ZBTB24: variants seen among roughly 807,000 people sequenced by gnomAD.
ZBTB24 encodes the protein zinc finger and BTB domain-containing protein 24.
A neutral mutation model predicts 53.8 loss-of-function variants in ZBTB24; 32 were observed. The ratio of observed to expected loss-of-function variants is 0.60; its 90% CI spans 0.45 to 0.80. ZBTB24 has a LOEUF of 0.80. Ranked by LOEUF, ZBTB24 falls within the 30% of genes least tolerant of loss-of-function variation. The probability of loss-of-function intolerance (pLI) is 0.00; values close to 1 mark genes in which losing one functional copy is unlikely to be tolerated. For missense variants in ZBTB24, 722 were observed against 837.1 expected, an observed-to-expected ratio of 0.86 and a Z score of 1.70; for synonymous variants, 297 against 306.7, an observed-to-expected ratio of 0.97 and a Z score of 0.33.
chr6:109,481,252 A>T lies in ZBTB24; in HGVS notation c.775T>A (p.Trp259Arg). The T allele has an allele frequency of 6.2e-7, 1 of 1,614,198 alleles. No homozygotes were observed. Among genetic ancestry groups the T allele is most frequent in the Non-Finnish European group, 8.5e-7 (1 of 1,180,036 alleles). The change falls in exon 2 of 7, where the codon TGG becomes AGG. Residue 259 changes from tryptophan to arginine, a missense_variant. Transcript: ENST00000230122. The stretch of plus-strand genomic sequence containing the variant: ...TAATCTTTAAGTTTGACGGATCTCC[A>T]AATCCTCCGCTTGCTGTATCGACTC... ...SQSRYSKRRI[W>R]RSVKLKDYKL...
At position 109,481,631 on chromosome 6, in the gene ZBTB24, A is replaced by G. The variant is rs1776417966; in HGVS notation, c.396T>C (p.His132=). The change falls in exon 2 of 7, where the codon CAT becomes CAC. Residue 132 remains histidine (H), a synonymous_variant. Coordinates refer to ENST00000230122, the MANE Select transcript of ZBTB24 (RefSeq NM_014797.3). ...VKAYTDFQNN[H]SSPKPTTLNT... ...TCAAAGTTGTTGGCTTTGGGGAGCT[A>G]TGATTATTTTGGAAGTCTGTGTAAG... is the stretch of plus-strand genomic sequence containing the variant. 5 of 1,614,190 alleles carry G rather than the reference A, an allele frequency of 3.1e-6. No homozygotes were observed. In the East Asian group the frequency reaches 6.7e-5, roughly 22 times the overall value.
intron 5 of ZBTB24, among the ~76,000 whole-genome samples, chr6:109,473,558 C>T (rs1776213359): frequency 6.6e-6 from 1 of 152,176 alleles, no homozygotes; most frequent in African/African-American, 2.4e-5. Flanking sequence ...CCTTACCTTG[C>T]ATTTTATTCT....
chr6:109,476,845 G>A lies in ZBTB24; in HGVS notation c.1038C>T (p.Gly346=), dbSNP rs765382857. 3.1e-6 allele frequency: 5 copies of A among 1,614,152 alleles called. No individual in the cohort carries two copies. The highest frequency in any genetic ancestry group is 1.7e-5 in the Admixed American group (1 of 60,016). The change falls in exon 3 of 7, where the codon GGC becomes GGT. Residue 346 remains glycine (G), a synonymous_variant. Transcript: ENST00000230122. The part of the protein sequence containing the change: ...SLQVHTRMHT[G]ERPYTCTVCS... The stretch of plus-strand genomic sequence containing the variant: ...ACACGGTGCAGGTGTACGGCCGCTC[G>A]CCTGTGTGCATCCTGGTGTGGACCT...
rs1053173782 is a variant in ZBTB24 at position 109,481,518 on chromosome 6, G to A, written c.509C>T (p.Thr170Ile). 3.1e-6 allele frequency: 5 copies of A among 1,614,162 alleles called. No homozygotes were observed. Among genetic ancestry groups the A allele is most frequent in the Middle Eastern group, 1.6e-4 (1 of 6,062 alleles). The change falls in exon 2 of 7, where the codon ACA (threonine) becomes ATA (isoleucine). Residue 170 changes from threonine to isoleucine, a missense_variant. Coordinates refer to ENST00000230122, the MANE Select transcript of ZBTB24 (RefSeq NM_014797.3). Reference protein sequence around the residue: ...RKRGRPKKVNTLQEEKSELAA... With the variant: ...RKRGRPKKVNILQEEKSELAA... ...CAGTTCTGATTTCTCCTCCTGCAAT[G>A]TATTGACTTTTTTTGGTCTTCCCCG...
intron 2 of ZBTB24, 91 bp from the exon 3 acceptor site, chr6:109,477,021 T>G (rs1351011849): frequency 6.6e-7 from 1 of 1,521,196 alleles, no homozygotes; most frequent in Admixed American, 1.9e-5. Flanking sequence ...AGGATTTTTC[T>G]TAAAAGGCAC....
intron 5 of ZBTB24, among the ~76,000 whole-genome samples, chr6:109,473,957 T>C (rs1478937813): frequency 1.3e-5 from 2 of 151,300 alleles, no homozygotes; most frequent in Non-Finnish European, 2.9e-5. Context: ...GGCGTGGTGG[T>C]GCGCACCTGT....
chr6:109,465,697 G>T lies in ZBTB24; in HGVS notation c.*154C>A, dbSNP rs781297546. 2.5e-6 allele frequency: 4 copies of T among 1,602,606 alleles called. No individual in the cohort carries two copies. The Admixed American group carries it at 6.7e-5, about 27-fold the overall frequency. The stretch of plus-strand genomic sequence containing the variant: ...AGACATACACACATCTTGCTACCTG[G>T]ATGGAGGGCATTATAAACATCAGTT... On this transcript the variant is annotated 3_prime_UTR_variant, in exon 7 of 7. Coordinates refer to ENST00000230122, the MANE Select transcript of ZBTB24 (RefSeq NM_014797.3).
chr6:109,467,478 A>C (rs1345420972), intron 6 of ZBTB24, 175 bp downstream of exon 6: 1 of 957,980 alleles, frequency 1.0e-6, no homozygotes, highest in Non-Finnish European at 1.2e-6. Context: ...AGCCTGGGCG[A>C]CAGTGAGACC....
chr6:109,479,915 CAAAAAAAAAAAAAA>C (rs200514874), intron 2 of ZBTB24, among the ~76,000 whole-genome samples: 2 of 41,826 alleles, frequency 4.8e-5, no homozygotes, highest in South Asian at 1.2e-3. Context: ...GAATCCATCT[CAAAAAAAAAAAAAA>C]AAAAAAAAAA....
At chr6:109,467,818 A>C in intron 5 of ZBTB24, 84 bp from the exon 6 acceptor site, 12 of 1,471,988 alleles carry the variant, frequency 8.2e-6, no homozygotes, top group Non-Finnish European at 1.0e-5. Flanking sequence ...AAAATTAAAA[A>C]AACACTTCGG....
Position 109,466,192 on chromosome 6 carries a change from T to C in ZBTB24, c.1753A>G (p.Thr585Ala). ...IVTAESSQNM[T>A]ADQAANLTLL... ...GTAAGATTAGCAGCCTGGTCTGCAG[T>C]CATGTTTTGGGAACTCTCTGCAGTC... Residue 585 changes from threonine to alanine, a missense_variant, in exon 7 of 7, where the codon ACT becomes GCT. Thr to Ala is a moderately conservative substitution (Grantham distance 58). Transcript: ENST00000230122. The C allele has an allele frequency of 4.3e-6, 7 of 1,614,186 alleles. No individual in the cohort carries two copies. The highest frequency in any genetic ancestry group is 5.9e-6 in the Non-Finnish European group (7 of 1,180,026).
At chr6:109,478,171 G>A (rs1349261818) in intron 2 of ZBTB24, among the ~76,000 whole-genome samples, 1 of 152,174 alleles carries the variant, frequency 6.6e-6, no homozygotes, top group African/African-American at 2.4e-5. Context: ...CCGTGATTTA[G>A]CAGAAGATAA....
chr6:109,472,834 A>G (rs2115358507), intron 5 of ZBTB24, among the ~76,000 whole-genome samples: 1 of 151,932 alleles, frequency 6.6e-6, no homozygotes, highest in East Asian at 1.9e-4. Flanking sequence ...CTCCTCTTTC[A>G]ACTCCCACAT....
At chr6:109,480,567 G>A (rs1776382287) in intron 2 of ZBTB24, among the ~76,000 whole-genome samples, 1 of 152,136 alleles carries the variant, frequency 6.6e-6, no homozygotes. Flanking sequence ...AAATGAGAAG[G>A]TATTTAAAGC....
Position 109,462,915 on chromosome 6 carries a change from C to CT in ZBTB24, c.*2935dup, listed in dbSNP as rs1775924702. On this transcript the variant is annotated 3_prime_UTR_variant, in exon 7 of 7. Coordinates refer to ENST00000230122, the MANE Select transcript of ZBTB24 (RefSeq NM_014797.3). ...AGAAAATGAATTGTGAAACACTGCACTAGCAACATCATTTCTCAAGGACAC... is the reference window on the plus strand; with the variant it reads ...AGAAAATGAATTGTGAAACACTGCACTTAGCAACATCATTTCTCAAGGACAC... 6.6e-6 allele frequency: 1 copy of CT among 152,226 alleles called. No individual in the cohort carries two copies. Among genetic ancestry groups the CT allele is most frequent in the Non-Finnish European group, 1.5e-5 (1 of 68,038 alleles). 9.4% of individuals were successfully genotyped at this position (152,226 alleles called of 1,614,324 possible). A position where few individuals can be genotyped will look rare whatever the true frequency, so the allele number is the denominator to read the frequency against.
rs1200954166 is a variant in ZBTB24, at chr6:109,463,599, C to G, written c.*2252G>C. The G allele has an allele frequency of 6.6e-6, 1 of 152,064 alleles. No homozygotes were observed. Among genetic ancestry groups the G allele is most frequent in the Non-Finnish European group, 1.5e-5 (1 of 67,996 alleles). 9.4% of individuals were successfully genotyped at this position (152,064 alleles called of 1,614,324 possible). A position where few individuals can be genotyped will look rare whatever the true frequency, so the allele number is the denominator to read the frequency against. On this transcript the variant is annotated 3_prime_UTR_variant, in exon 7 of 7. Transcript: ENST00000230122. ...TTGAAAAAAACTTTTGTCTTAGCTA[C>G]TTGATATGAGAATCTGTTTTCAACT...
At chr6:109,470,364 G>A (rs1261425067) in intron 5 of ZBTB24, among the ~76,000 whole-genome samples, 1 of 152,102 alleles carries the variant, frequency 6.6e-6, no homozygotes, top group Non-Finnish European at 1.5e-5. Flanking sequence ...AACAGCTCCA[G>A]GGTGTACTTC....
chr6:109,475,302 T>A, intron 5 of ZBTB24, 97 bp downstream of exon 5: 1 of 1,434,174 alleles, frequency 7.0e-7, no homozygotes, highest in South Asian at 1.2e-5. Flanking sequence ...AATAAACATT[T>A]CCAAACACAG....
intron 2 of ZBTB24, among the ~76,000 whole-genome samples, chr6:109,477,257 T>C (rs1001649054): frequency 6.6e-6 from 1 of 152,228 alleles, no homozygotes; most frequent in African/African-American, 2.4e-5. Flanking sequence ...CACTTCAGCC[T>C]CCTGAGTAGC....
Sources: allele counts gnomAD v4.1 joint callset (sites outside exome capture counted in the v4.1 genomes callset), GRCh38; gene constraint gnomAD v4.1.1; transcripts MANE v1.5; gene names NCBI Gene and HGNC (gene_info 2026-07-23, HGNC 2026-07-21).